ZNF254: variants seen among roughly 807,000 people sequenced by gnomAD.
The protein encoded by ZNF254 is CTD-2017D11.1.
Under a neutral mutation model 12.4 loss-of-function variants are expected in ZNF254, and 10 were observed. The observed-to-expected ratio is 0.80, with a 90% CI of 0.50 to 1.36. The LOEUF (loss-of-function observed/expected upper bound fraction) is 1.36, where lower values mean the gene tolerates loss of function less well. ZNF254 is among the 40% of genes most tolerant of loss of function. The pLI is 0.00. For synonymous variants in ZNF254, 305 were observed against 253.4 expected (o/e 1.20, Z -1.93); for missense variants, 996 against 763.9 (o/e 1.30, Z -3.58).
chr19:24,042,460 C>T (rs1970212466), intron 1 of ZNF254, among the ~76,000 whole-genome samples: 2 of 152,182 alleles, frequency 1.3e-5, no homozygotes, highest in African/African-American at 4.8e-5. Context: ...TGCTACTGCT[C>T]ACTCTTTGGG....
chr19:24,106,129 G>GT, intron 2 of ZNF254, 63 bp downstream of exon 2: 1 of 1,493,264 alleles, frequency 6.7e-7, no homozygotes, highest in Non-Finnish European at 8.9e-7. Context: ...TCTTTAGAAT[G>GT]TTTTCTGGTA....
chr19:24,122,559 C>G (rs914754766), intron 3 of ZNF254, among the ~76,000 whole-genome samples: 2 of 151,954 alleles, frequency 1.3e-5, no homozygotes, highest in African/African-American at 4.8e-5. Context: ...TTTGCAAACG[C>G]CAGTCTGTTC....
intron 3 of ZNF254, among the ~76,000 whole-genome samples, chr19:24,117,594 T>C (rs1161310734): frequency 1.3e-5 from 2 of 152,162 alleles, no homozygotes; most frequent in East Asian, 3.9e-4. Flanking sequence ...AGATGCCGTC[T>C]GTCACCCCTT....
chr19:24,085,451 A>G (rs536775051), upstream of ZNF254, among the ~76,000 whole-genome samples: 404 of 38,036 alleles, frequency 0.011, 6 homozygotes, highest in African/African-American at 0.033. Flanking sequence ...TAGGTGTAAA[A>G]CAATTTTTTT....
At chr19:24,064,880 T>G (rs1164310011) in intron 2 of ZNF254, among the ~76,000 whole-genome samples, 3 of 152,178 alleles carry the variant, frequency 2.0e-5, no homozygotes, top group African/African-American at 7.2e-5. Flanking sequence ...GATGAGACTT[T>G]CCTGTGTGGG....
chr19:24,125,689 T>C (rs1358665891), intron 3 of ZNF254, among the ~76,000 whole-genome samples: 3 of 152,226 alleles, frequency 2.0e-5, no homozygotes, highest in Admixed American at 1.3e-4. Context: ...TGTAGCGTCA[T>C]CACTTGCTAC....
chr19:24,112,988 C>A (rs575274831), intron 3 of ZNF254, among the ~76,000 whole-genome samples: 25 of 152,092 alleles, frequency 1.6e-4, no homozygotes, highest in Non-Finnish European at 2.9e-4. Context: ...CAGGAAGAAG[C>A]TGAATCTCTG....
chr19:24,033,671 C>T, intron 1 of ZNF254: 1 of 321,644 alleles, frequency 3.1e-6, no homozygotes, highest in Non-Finnish European at 6.2e-6. Flanking sequence ...GGCTGTGAAA[C>T]CGGCGGGACT....
intron 3 of ZNF254, among the ~76,000 whole-genome samples, chr19:24,120,018 C>T (rs945618374): frequency 2.0e-5 from 3 of 152,048 alleles, no homozygotes; most frequent in Non-Finnish European, 4.4e-5. Flanking sequence ...CTGATAAAGA[C>T]ATACCTGAGA....
In ZNF254 at chr19:24,106,027, A is replaced by G. The variant is rs1012765889; in HGVS notation, c.118A>G (p.Asn40Asp). ...CATTGCACAGCAGAATTTATATAGA[A>G]ATGTGATGTTAGAGAACTACAGAAA... is the stretch of plus-strand genomic sequence containing the variant. ...LDIAQQNLYR[N>D]VMLENYRNLA... Residue 40 changes from asparagine to aspartate, a missense_variant, in exon 2 of 4, where the codon AAT (asparagine) becomes GAT (aspartate). Transcript: ENST00000357002. 1 of 1,598,886 alleles carries G rather than the reference A, an allele frequency of 6.3e-7. No homozygotes were observed. The highest frequency in any genetic ancestry group is 8.5e-7 in the Non-Finnish European group (1 of 1,171,008).
chr19:24,042,346 A>T (rs1027749063), intron 1 of ZNF254, among the ~76,000 whole-genome samples: 2 of 152,344 alleles, frequency 1.3e-5, no homozygotes, highest in East Asian at 3.9e-4. Flanking sequence ...GGGTGGGGCC[A>T]GATAAGAGAA....
In ZNF254 at chr19:24,106,048, A is replaced by G. The variant is rs1187679611; in HGVS notation, c.139A>G (p.Arg47Gly). 9 of 1,595,702 alleles carry G rather than the reference A, an allele frequency of 5.6e-6. No individual in the cohort carries two copies. The highest frequency in any genetic ancestry group is 7.7e-6 in the Non-Finnish European group (9 of 1,169,548). ...LYRNVMLENY[R>G]NLAFLGIAVS... ...TAGAAATGTGATGTTAGAGAACTAC[A>G]GAAACCTGGCCTTCCTGGGTGAGGA... The change falls in exon 2 of 4, where the codon AGA (arginine) becomes GGA (glycine). Residue 47 changes from arginine to glycine, a missense_variant. Transcript: ENST00000357002.
rs1969927282 is a variant in ZNF254, at chr19:24,035,378, G to A, written c.-190+1757G>A. 2.0e-5 allele frequency among the ~76,000 whole-genome samples: 3 copies of A among 152,086 alleles called. No individual in the cohort carries two copies. In the South Asian group the frequency reaches 6.2e-4, roughly 32 times the overall value. On this transcript the variant is annotated intron_variant, in intron 1 of 4. Coordinates refer to the ZNF254 transcript ENST00000613065. ...GGGTTTCACCATGTTGGCCAGGCTGGTCCAAAACTCCTGACCTCAGGTGAT... is the reference window on the plus strand; with the variant it reads ...GGGTTTCACCATGTTGGCCAGGCTGATCCAAAACTCCTGACCTCAGGTGAT...
intron 2 of ZNF254, among the ~76,000 whole-genome samples, chr19:24,057,495 C>T (rs996188112): frequency 6.6e-6 from 1 of 152,214 alleles, no homozygotes; most frequent in Non-Finnish European, 1.5e-5. Context: ...GATTGCGACT[C>T]TCATGGGAAC....
intron 2 of ZNF254, among the ~76,000 whole-genome samples, chr19:24,076,055 T>C (rs931166465): frequency 6.6e-6 from 1 of 152,234 alleles, no homozygotes; most frequent in Non-Finnish European, 1.5e-5. Context: ...CCAGAGTTCA[T>C]ATTGTTCAAA....
chr19:24,067,347 C>T lies in ZNF254; in HGVS notation c.-94+21068C>T, dbSNP rs149910563. Among the ~76,000 whole-genome samples the T allele has an allele frequency of 5.5e-4, 84 of 151,658 alleles. No individual in the cohort carries two copies. The East Asian group carries it at 0.014, about 25-fold the overall frequency. On this transcript the variant is annotated intron_variant, in intron 2 of 4. Coordinates refer to the ZNF254 transcript ENST00000613065. ...TGTGATTCTTCTGCTTGGTTCCTGC[C>T]GAAATGGTCATTGTGACATATCTAT...
chr19:24,042,182 T>C (rs558820125), intron 1 of ZNF254, among the ~76,000 whole-genome samples: 10 of 152,206 alleles, frequency 6.6e-5, no homozygotes, highest in African/African-American at 2.4e-4. Flanking sequence ...CTAGCTGCTC[T>C]GGTGGGGCCT....
chr19:24,046,928 A>G (rs1028610483), intron 2 of ZNF254, among the ~76,000 whole-genome samples: 1 of 149,310 alleles, frequency 6.7e-6, no homozygotes, highest in African/African-American at 2.5e-5. Context: ...GCAATGGTGC[A>G]ATCTTGGCTC....
chr19:24,087,132 T>C, upstream of ZNF254: 1 of 711,074 alleles, frequency 1.4e-6, no homozygotes, highest in Non-Finnish European at 2.4e-6. Flanking sequence ...GGCTGGGAAC[T>C]GTCCAATCAG....
Sources: gnomAD v4.1 joint callset for allele counts (sites outside exome capture counted in the v4.1 genomes callset) on GRCh38, gnomAD v4.1.1 for gene constraint, MANE v1.5 for transcripts, NCBI Gene and HGNC (gene_info 2026-07-23, HGNC 2026-07-21) for gene names.